SPIDR: variants seen among roughly 807,000 people sequenced by gnomAD.
The protein encoded by SPIDR is DNA repair-scaffolding protein.
In SPIDR, 93 loss-of-function variants were observed where a neutral mutation model predicts 104.6. That is an observed-to-expected ratio of 0.89 (90% CI 0.75 to 1.06). SPIDR has a LOEUF of 1.06. Ranked by LOEUF, SPIDR falls within the 50% of genes least tolerant of loss-of-function variation. SPIDR has a pLI of 0.00. For synonymous variants in SPIDR, 431 were observed against 416.9 expected (o/e 1.03, Z -0.41); for missense variants, 1,154 against 1,111.2 (o/e 1.04, Z -0.55).
At chr8:47,261,744 C>T (rs1237893369) in intron 1 of SPIDR, among the ~76,000 whole-genome samples, 1 of 152,206 alleles carries the variant, frequency 6.6e-6, no homozygotes, top group African/African-American at 2.4e-5. Context: ...GGTTCAACTT[C>T]TTTACCACTA....
intron 10 of SPIDR, among the ~76,000 whole-genome samples, chr8:47,655,296 C>T (rs1208162897): frequency 2.0e-5 from 3 of 152,282 alleles, no homozygotes; most frequent in African/African-American, 4.8e-5. Flanking sequence ...CCTGAGGAAT[C>T]GCCACACTGA....
intron 10 of SPIDR, among the ~76,000 whole-genome samples, chr8:47,626,114 C>A (rs1222588098): frequency 1.3e-5 from 2 of 152,078 alleles, no homozygotes; most frequent in Non-Finnish European, 2.9e-5. Context: ...CTTTGACAAA[C>A]CTGAGAAAAA....
At chr8:47,671,507 C>T (rs1447313240) in intron 10 of SPIDR, among the ~76,000 whole-genome samples, 2 of 151,772 alleles carry the variant, frequency 1.3e-5, no homozygotes, top group Non-Finnish European at 2.9e-5. Flanking sequence ...ATCACTTGAA[C>T]ACGGGAGATG....
chr8:47,658,579 GTT>G (rs1472104843), intron 10 of SPIDR, among the ~76,000 whole-genome samples: 3 of 145,830 alleles, frequency 2.1e-5, no homozygotes, highest in Admixed American at 6.9e-5. Flanking sequence ...TGTTGTTGTT[GTT>G]GTTGTTAATC....
chr8:47,486,301 GA>G (rs2077607972), intron 8 of SPIDR, among the ~76,000 whole-genome samples: 1 of 152,114 alleles, frequency 6.6e-6, no homozygotes, highest in African/African-American at 2.4e-5. Flanking sequence ...GAAGTTTAGA[GA>G]AAAAAGAGCA....
At chr8:47,593,969 G>C (rs1288403609) in intron 8 of SPIDR, among the ~76,000 whole-genome samples, 1 of 152,070 alleles carries the variant, frequency 6.6e-6, no homozygotes, top group Non-Finnish European at 1.5e-5. Context: ...GGCAGGGAGT[G>C]TTGCTTGGTT....
chr8:47,483,983 T>TA (rs552813536), intron 8 of SPIDR, among the ~76,000 whole-genome samples: 15,941 of 146,290 alleles, frequency 0.11, 1,206 homozygotes, highest in African/African-American at 0.22. Context: ...AGCTTCGTGT[T>TA]AAAAAAAAAA....
At chr8:47,440,967 C>G (rs1804165740) in intron 8 of SPIDR, among the ~76,000 whole-genome samples, 1 of 152,034 alleles carries the variant, frequency 6.6e-6, no homozygotes, top group African/African-American at 2.4e-5. Context: ...ATTGCAGGAG[C>G]AAAAATGGTC....
At chr8:47,500,066 A>G (rs1403530680) in intron 8 of SPIDR, among the ~76,000 whole-genome samples, 1 of 152,124 alleles carries the variant, frequency 6.6e-6, no homozygotes, top group Non-Finnish European at 1.5e-5. Flanking sequence ...GGTTGGTTCC[A>G]AGTCTTTGCT....
At chr8:47,581,299 A>C (rs923288618) in intron 8 of SPIDR, among the ~76,000 whole-genome samples, 2 of 152,160 alleles carry the variant, frequency 1.3e-5, no homozygotes, top group African/African-American at 2.4e-5. Flanking sequence ...TGAAAAACCC[A>C]GTCATTTTCA....
chr8:47,354,092 A>T (rs907379299), intron 5 of SPIDR, among the ~76,000 whole-genome samples: 2 of 152,178 alleles, frequency 1.3e-5, no homozygotes, highest in Non-Finnish European at 2.9e-5. Context: ...CCAGATTAGA[A>T]TCTACCGTAT....
At chr8:47,732,643 G>A in intron 19 of SPIDR, 1 of 160,270 alleles carries the variant, frequency 6.2e-6, no homozygotes, top group Non-Finnish European at 1.4e-5. Context: ...GGTGCCAGAG[G>A]GGCCTGGGTA....
At chr8:47,499,535 G>A (rs906535125) in intron 8 of SPIDR, among the ~76,000 whole-genome samples, 1 of 151,674 alleles carries the variant, frequency 6.6e-6, no homozygotes, top group East Asian at 1.9e-4. Flanking sequence ...AAATGATACG[G>A]CAGCATTTCT....
At chr8:47,711,117 A>G (rs915237125) in intron 14 of SPIDR, among the ~76,000 whole-genome samples, 8 of 152,150 alleles carry the variant, frequency 5.3e-5, no homozygotes, top group African/African-American at 1.9e-4. Context: ...TCAGCAAGTT[A>G]TATCTATTAC....
At chr8:47,265,188 CT>C (rs397892978) in intron 1 of SPIDR, among the ~76,000 whole-genome samples, 24,555 of 108,808 alleles carry the variant, frequency 0.23, 1,626 homozygotes, top group South Asian at 0.33. Context: ...TCTCAGTTGT[CT>C]TTTTTTTTTT....
intron 8 of SPIDR, among the ~76,000 whole-genome samples, chr8:47,472,746 A>C (rs2154358440): frequency 6.6e-6 from 1 of 152,346 alleles, no homozygotes; most frequent in South Asian, 2.1e-4. Context: ...CAGAGATATA[A>C]GATAGTTTTG....
At chr8:47,356,843 A>G (rs994994705) in intron 5 of SPIDR, among the ~76,000 whole-genome samples, 33 of 152,168 alleles carry the variant, frequency 2.2e-4, no homozygotes, top group Admixed American at 1.4e-3. Flanking sequence ...GCGTACAGTA[A>G]ATGAAGCTGC....
In SPIDR at chr8:47,310,952, C is replaced by T. The variant is rs145982043; in HGVS notation, c.525+16922C>T. On this transcript the variant is annotated intron_variant, in intron 5 of 19. Transcript: ENST00000297423. Reference sequence around the variant, plus strand: ...CATATTCAGTAGACACACACATACACAAACAGAAAAATGTGACCCATACTT... The same window carrying T: ...CATATTCAGTAGACACACACATACATAAACAGAAAAATGTGACCCATACTT... Among the ~76,000 whole-genome samples, 50 of 152,228 alleles carry T rather than the reference C, an allele frequency of 3.3e-4. No homozygotes were observed. The East Asian group carries it at 8.3e-3, about 25-fold the overall frequency.
intron 5 of SPIDR, among the ~76,000 whole-genome samples, chr8:47,340,333 A>C (rs547457660): frequency 2.0e-5 from 3 of 152,162 alleles, no homozygotes; most frequent in South Asian, 4.2e-4. Flanking sequence ...GGCCAGGTGC[A>C]GTGGCTCATG....
Sources: gnomAD v4.1 joint callset for allele counts (sites outside exome capture counted in the v4.1 genomes callset) on GRCh38, gnomAD v4.1.1 for gene constraint, MANE v1.5 for transcripts, NCBI Gene and HGNC (gene_info 2026-07-23, HGNC 2026-07-21) for gene names.